The following AUTS2 variants were observed in gnomAD, a reference collection of about 807,000 sequenced individuals.
The protein encoded by AUTS2 is autism susceptibility gene 2 protein.
Under a neutral mutation model 112.4 loss-of-function variants are expected in AUTS2, and 17 were observed. That is an observed-to-expected ratio of 0.15 (90% CI 0.10 to 0.23). The LOEUF is 0.23. Ranked by LOEUF, AUTS2 falls within the 10% of genes least tolerant of loss-of-function variation. The pLI is 1.00. For synonymous variants in AUTS2, 751 were observed against 702.7 expected, an observed-to-expected ratio of 1.07 and a Z score of -1.09; for missense variants, 1,510 against 1,701.6, an observed-to-expected ratio of 0.89 and a Z score of 1.98.
intron 1 of AUTS2, among the ~76,000 whole-genome samples, chr7:69,813,089 C>A (rs188571490): frequency 1.4e-4 from 22 of 152,314 alleles, no homozygotes; most frequent in Admixed American, 2.6e-4. Flanking sequence ...CTAGTGCCTG[C>A]TATCTCTCAC....
At chr7:70,637,568 G>A (rs920138897) in intron 5 of AUTS2, among the ~76,000 whole-genome samples, 21 of 152,200 alleles carry the variant, frequency 1.4e-4, no homozygotes, top group Admixed American at 1.2e-3. Flanking sequence ...GAAGAGTCCA[G>A]GAAACTGGAG....
chr7:70,560,329 C>T (rs538951288), intron 5 of AUTS2, among the ~76,000 whole-genome samples: 2 of 152,282 alleles, frequency 1.3e-5, no homozygotes, highest in African/African-American at 4.8e-5. Flanking sequence ...TATTCACTTA[C>T]TTACTGCCTG....
intron 5 of AUTS2, among the ~76,000 whole-genome samples, chr7:70,479,279 A>G (rs1381888574): frequency 6.6e-6 from 1 of 152,084 alleles, no homozygotes. Context: ...GGGTTTTATG[A>G]GTTACTGTGT....
rs62455839 is a variant in AUTS2, at chr7:70,602,254, T to C, written c.691-96315T>C. 2.0e-5 allele frequency among the ~76,000 whole-genome samples: 3 copies of C among 152,164 alleles called. No homozygotes were observed. In the East Asian group the frequency reaches 5.8e-4, roughly 29 times the overall value. ...TACCTTAGACTTATGTCATGCCATC[T>C]AACTTACAAAGTGCTCTCTCAACCT... is the stretch of plus-strand genomic sequence containing the variant. On this transcript the variant is annotated intron_variant, in intron 5 of 18. Coordinates refer to ENST00000342771, the MANE Select transcript of AUTS2 (RefSeq NM_015570.4).
intron 1 of AUTS2, among the ~76,000 whole-genome samples, chr7:69,828,163 G>A (rs1242734027): frequency 1.3e-5 from 2 of 152,154 alleles, no homozygotes; most frequent in African/African-American, 4.8e-5. Context: ...TGAGTTCAGG[G>A]GGGTACATCT....
intron 5 of AUTS2, among the ~76,000 whole-genome samples, chr7:70,581,242 C>T (rs1020079205): frequency 3.0e-4 from 45 of 152,108 alleles, no homozygotes; most frequent in African/African-American, 7.5e-4. Flanking sequence ...AAAAATTTGC[C>T]GGGCATGGTG....
chr7:69,877,314 A>G (rs1793845793), intron 1 of AUTS2, among the ~76,000 whole-genome samples: 1 of 152,208 alleles, frequency 6.6e-6, no homozygotes, highest in Non-Finnish European at 1.5e-5. Flanking sequence ...AAAGTCTTCA[A>G]ACTTTTTTGA....
intron 6 of AUTS2, among the ~76,000 whole-genome samples, chr7:70,731,420 CTTTTTTT>C (rs56244002): frequency 1.7e-4 from 12 of 69,508 alleles, no homozygotes; most frequent in East Asian, 5.6e-4. Flanking sequence ...TTACCCAGAT[CTTTTTTT>C]TTTTTTTTTT....
intron 2 of AUTS2, among the ~76,000 whole-genome samples, chr7:70,035,627 T>G (rs182068780): frequency 6.6e-6 from 1 of 152,348 alleles, no homozygotes; most frequent in African/African-American, 2.4e-5. Context: ...AACTTAGATT[T>G]TAATGTTAGC....
chr7:70,063,084 C>T, intron 2 of AUTS2, among the ~76,000 whole-genome samples: 1 of 152,020 alleles, frequency 6.6e-6, no homozygotes, highest in East Asian at 1.9e-4. Context: ...CTGTCCCCAA[C>T]CAGTCCCCTT....
intron 1 of AUTS2, among the ~76,000 whole-genome samples, chr7:69,890,040 C>G (rs193080784): frequency 6.6e-6 from 1 of 151,898 alleles, no homozygotes; most frequent in Admixed American, 6.6e-5. Context: ...TTTAAGGTTT[C>G]CTTTTCGTCA....
At chr7:70,656,308 A>T (rs1806767778) in intron 5 of AUTS2, among the ~76,000 whole-genome samples, 1 of 152,132 alleles carries the variant, frequency 6.6e-6, no homozygotes, top group African/African-American at 2.4e-5. Context: ...TATTTTGAAA[A>T]TTTAAAATAA....
intron 1 of AUTS2, among the ~76,000 whole-genome samples, chr7:69,717,471 T>G (rs1220715957): frequency 6.6e-6 from 1 of 152,202 alleles, no homozygotes; most frequent in Admixed American, 6.5e-5. Context: ...CGTTCTAATC[T>G]GTGCAGGCAC....
At chr7:70,236,332 A>G (rs935761850) in intron 4 of AUTS2, among the ~76,000 whole-genome samples, 5 of 152,216 alleles carry the variant, frequency 3.3e-5, no homozygotes, top group Non-Finnish European at 7.3e-5. Context: ...GAGATAGTAC[A>G]GTATTTGTGA....
chr7:70,435,907 A>G (rs751669136), intron 5 of AUTS2, 126 bp downstream of exon 5: 5 of 964,690 alleles, frequency 5.2e-6, no homozygotes, highest in Non-Finnish European at 8.1e-6. Flanking sequence ...TTTAGGAAAG[A>G]TGGGCATTAT....
intron 2 of AUTS2, among the ~76,000 whole-genome samples, chr7:70,005,418 A>G (rs1799503179): frequency 6.6e-6 from 1 of 152,216 alleles, no homozygotes; most frequent in Non-Finnish European, 1.5e-5. Context: ...AGTGATTAAT[A>G]TATTTTTTAA....
chr7:70,475,372 A>T (rs1471626224), intron 5 of AUTS2, among the ~76,000 whole-genome samples: 1 of 152,152 alleles, frequency 6.6e-6, no homozygotes, highest in Non-Finnish European at 1.5e-5. Context: ...TTCTCTTTCC[A>T]TTACATCAGG....
intron 4 of AUTS2, among the ~76,000 whole-genome samples, chr7:70,257,791 C>T (rs895120450): frequency 6.6e-6 from 1 of 152,126 alleles, no homozygotes; most frequent in Non-Finnish European, 1.5e-5. Context: ...GCTACTACTA[C>T]TCCTTATGGG....
chr7:69,786,287 A>G (rs931647389), intron 1 of AUTS2, among the ~76,000 whole-genome samples: 6 of 152,162 alleles, frequency 3.9e-5, no homozygotes, highest in Non-Finnish European at 7.3e-5. Context: ...AAATGCACCA[A>G]TCAGCGCTCT....
Sources: gnomAD v4.1 joint callset for allele counts (sites outside exome capture counted in the v4.1 genomes callset) on GRCh38, gnomAD v4.1.1 for gene constraint, MANE v1.5 for transcripts, NCBI Gene and HGNC (gene_info 2026-07-23, HGNC 2026-07-21) for gene names.